ELAPOR2: variants seen among roughly 807,000 people sequenced by gnomAD.
ELAPOR2 encodes endosome-lysosome associated apoptosis and autophagy regulator family member 2.
In ELAPOR2, 89 loss-of-function variants were observed where a neutral mutation model predicts 120.7. That is an observed-to-expected ratio of 0.74 (90% CI 0.62 to 0.88). The LOEUF (loss-of-function observed/expected upper bound fraction) is 0.88. ELAPOR2 is among the 40% of genes least tolerant of loss of function. The pLI is 0.00. For synonymous variants in ELAPOR2, 444 were observed against 444.9 expected, an observed-to-expected ratio of 1.00 and a Z score of 0.03; for missense variants, 1,134 against 1,251.6, an observed-to-expected ratio of 0.91 and a Z score of 1.42.
chr7:86,883,817 G>T (rs1799551413), intron 21 of ELAPOR2, among the ~76,000 whole-genome samples: 1 of 151,988 alleles, frequency 6.6e-6, no homozygotes, highest in South Asian at 2.1e-4. Flanking sequence ...TAGGAATTGG[G>T]GGTTATAGAT....
At chr7:86,891,489 T>G (rs558429741) in intron 21 of ELAPOR2, 24 of 425,766 alleles carry the variant, frequency 5.6e-5, no homozygotes, top group African/African-American at 4.5e-4. Context: ...TTCTATCACT[T>G]TGACAGATGA....
chr7:87,005,815 C>A (rs1405692445), intron 1 of ELAPOR2, among the ~76,000 whole-genome samples: 3 of 152,102 alleles, frequency 2.0e-5, no homozygotes, highest in Admixed American at 2.0e-4. Context: ...AAACTATAAA[C>A]ATTTTGAGGA....
chr7:87,014,011 C>T (rs1274691032), intron 1 of ELAPOR2, among the ~76,000 whole-genome samples: 6 of 147,454 alleles, frequency 4.1e-5, no homozygotes, highest in African/African-American at 1.2e-4. Flanking sequence ...CAGTATATTT[C>T]GTGCCATGTT....
intron 5 of ELAPOR2, among the ~76,000 whole-genome samples, chr7:86,940,421 AATCCATTTTAG>A (rs1234575226): frequency 6.6e-6 from 1 of 152,068 alleles, no homozygotes; most frequent in African/African-American, 2.4e-5. Context: ...ATTTAAAAGG[AATCCATTTTAG>A]AGGGTGAAAG....
chr7:86,883,090 T>C (rs985496316), intron 21 of ELAPOR2, among the ~76,000 whole-genome samples: 75 of 151,784 alleles, frequency 4.9e-4, no homozygotes, highest in African/African-American at 1.8e-3. Context: ...CCTAATATTC[T>C]AGTTGGTGTC....
At chr7:87,027,141 G>A (rs10278396) in intron 1 of ELAPOR2, among the ~76,000 whole-genome samples, 58,440 of 151,910 alleles carry the variant, frequency 0.38, 12,238 homozygotes, top group African/African-American at 0.56. Context: ...TATATTTAAT[G>A]TAAGGTTTTT....
chr7:86,922,587 T>C (rs1256849444), intron 10 of ELAPOR2, among the ~76,000 whole-genome samples: 2 of 152,066 alleles, frequency 1.3e-5, no homozygotes, highest in South Asian at 4.1e-4. Flanking sequence ...TTTTATAAAT[T>C]AACATTATTT....
At chr7:86,996,593 G>C (rs1767741) in intron 1 of ELAPOR2, among the ~76,000 whole-genome samples, 57,528 of 152,054 alleles carry the variant, frequency 0.38, 11,731 homozygotes, top group African/African-American at 0.53. Flanking sequence ...CCATTAAAGA[G>C]TTTGAAGCAG....
Position 86,938,194 on chromosome 7 carries a change from T to C in ELAPOR2, c.1021A>G (p.Thr341Ala), listed in dbSNP as rs761417125. The change falls in exon 8 of 22, where the codon ACA (threonine) becomes GCA (alanine). Residue 341 changes from threonine to alanine, a missense_variant. By Grantham distance (58) the Thr-to-Ala change is moderately conservative (BLOSUM62 0). Around this residue, in one of 3 missense-constraint regions of ELAPOR2, gnomAD observed 831 missense variants for 867.6 expected, o/e 0.96. Transcript: ENST00000450689. ...QFSEEGSSECTERPPCTTKDY... is the reference protein window; with the variant it reads ...QFSEEGSSECAERPPCTTKDY... The stretch of plus-strand genomic sequence containing the variant: ...TTTGTGGTACAGGGAGGGCGCTCTG[T>C]ACACTCACTGGATCCTTCCTCTGCA... 5.2e-6 allele frequency: 8 copies of C among 1,550,972 alleles called. No individual in the cohort carries two copies. The East Asian group carries it at 9.7e-5, about 19-fold the overall frequency.
intron 1 of ELAPOR2, among the ~76,000 whole-genome samples, chr7:86,989,566 G>T (rs12704316): frequency 0.12 from 18,971 of 152,192 alleles, 1,597 homozygotes; most frequent in Non-Finnish European, 0.17. Flanking sequence ...CACTTATGCA[G>T]AGTGGCTGAA....
intron 1 of ELAPOR2, among the ~76,000 whole-genome samples, chr7:87,040,927 T>C (rs1794765420): frequency 1.3e-5 from 2 of 152,054 alleles, no homozygotes; most frequent in South Asian, 2.1e-4. Flanking sequence ...AAGGAGCTGA[T>C]GGAGCTGAAA....
intron 9 of ELAPOR2, 92 bp downstream of exon 9, chr7:86,926,644 A>T: frequency 7.9e-7 from 1 of 1,269,976 alleles, no homozygotes; most frequent in Non-Finnish European, 1.1e-6. Context: ...TTCTGTAACC[A>T]CTTTCCATAA....
At chr7:87,049,476 G>A (rs1795043423) in intron 1 of ELAPOR2, among the ~76,000 whole-genome samples, 1 of 152,066 alleles carries the variant, frequency 6.6e-6, no homozygotes, top group South Asian at 2.1e-4. Flanking sequence ...TAGAGACGGG[G>A]TTTCACCGTG....
intron 4 of ELAPOR2, among the ~76,000 whole-genome samples, chr7:86,944,222 T>C (rs533192002): frequency 3.3e-4 from 50 of 152,246 alleles, no homozygotes; most frequent in African/African-American, 1.2e-3. Context: ...TGTGTCATGA[T>C]AAATATTTGC....
At chr7:86,982,313 T>C (rs541250912) in intron 1 of ELAPOR2, among the ~76,000 whole-genome samples, 1 of 152,348 alleles carries the variant, frequency 6.6e-6, no homozygotes, top group Admixed American at 6.5e-5. Context: ...ACAGTGGTTC[T>C]CCCAGCATGG....
intron 1 of ELAPOR2, among the ~76,000 whole-genome samples, chr7:87,053,243 T>C (rs1795166531): frequency 6.6e-6 from 1 of 152,192 alleles, no homozygotes; most frequent in Non-Finnish European, 1.5e-5. Context: ...AAGTCAGTGA[T>C]TAGTGCTCCC....
At chr7:87,058,044 A>T in intron 1 of ELAPOR2, among the ~76,000 whole-genome samples, 1 of 152,242 alleles carries the variant, frequency 6.6e-6, no homozygotes, top group Non-Finnish European at 1.5e-5. Flanking sequence ...CCCTAAAATT[A>T]AACACAGCTG....
intron 1 of ELAPOR2, chr7:86,965,830 C>A (rs1403196331): frequency 2.0e-6 from 2 of 985,270 alleles, no homozygotes; most frequent in African/African-American, 3.5e-5. Flanking sequence ...AGTTCAAAAT[C>A]CTGGTTGTGG....
intron 7 of ELAPOR2, 27 bp downstream of exon 7, chr7:86,938,781 A>G (rs748515193): frequency 2.5e-6 from 4 of 1,610,264 alleles, no homozygotes; most frequent in African/African-American, 2.7e-5. Context: ...TTTAGAAAGA[A>G]AAAAGCAGAG....
Sources: gnomAD v4.1 joint callset for allele counts (sites outside exome capture counted in the v4.1 genomes callset) on GRCh38, gnomAD v4.1.1 for gene constraint, gnomAD v4.1.1 regional missense constraint, MANE v1.5 for transcripts, NCBI Gene and HGNC (gene_info 2026-07-23, HGNC 2026-07-21) for gene names.